The following PPARGC1A variants were observed in gnomAD, a reference collection of about 807,000 sequenced individuals.
PPARGC1A encodes the protein PPARG coactivator 1 alpha, also known as peroxisome proliferator-activated receptor gamma coactivator 1-alpha.
Under a neutral mutation model 88.7 loss-of-function variants are expected in PPARGC1A, and 25 were observed. That is an observed-to-expected ratio of 0.28 (90% CI 0.21 to 0.39). The LOEUF (loss-of-function observed/expected upper bound fraction) is 0.39, where lower values mean the gene tolerates loss of function less well. Ranked by LOEUF, PPARGC1A falls within the 10% of genes least tolerant of loss-of-function variation. The pLI is 1.00. For missense variants in PPARGC1A, 880 were observed against 968.7 expected (o/e 0.91, Z 1.22); for synonymous variants, 363 against 355.6 (o/e 1.02, Z -0.24).
chr4:23,957,099 T>A, the PPARGC1A span, among the ~76,000 whole-genome samples: 1 of 152,074 alleles, frequency 6.6e-6, no homozygotes, highest in African/African-American at 2.4e-5. Context: ...CACATGCTAA[T>A]CACAGCGAAG....
At chr4:24,151,489 T>A in the PPARGC1A span, among the ~76,000 whole-genome samples, 1 of 152,146 alleles carries the variant, frequency 6.6e-6, no homozygotes, top group African/African-American at 2.4e-5. Flanking sequence ...CCATTTACCA[T>A]CACACCGGGG....
At chr4:23,885,656 G>A (rs1180053517) in intron 1 of PPARGC1A, among the ~76,000 whole-genome samples, 2 of 151,958 alleles carry the variant, frequency 1.3e-5, no homozygotes, top group Non-Finnish European at 2.9e-5. Flanking sequence ...ATGTGTGTGT[G>A]TGTGTGTATG....
At chr4:24,105,025 C>T in the PPARGC1A span, among the ~76,000 whole-genome samples, 57 of 152,270 alleles carry the variant, frequency 3.7e-4, no homozygotes, top group African/African-American at 9.9e-4. Context: ...ATGTATGGCA[C>T]GTGGTTCAAG....
chr4:23,978,085 C>A, the PPARGC1A span, among the ~76,000 whole-genome samples: 13 of 152,284 alleles, frequency 8.5e-5, no homozygotes, highest in Middle Eastern at 3.4e-3. Flanking sequence ...CCACCCCCAG[C>A]CTCCAAATGT....
At chr4:23,861,621 A>C (rs1731238480) in intron 2 of PPARGC1A, among the ~76,000 whole-genome samples, 1 of 152,178 alleles carries the variant, frequency 6.6e-6, no homozygotes, top group Admixed American at 6.5e-5. Flanking sequence ...TGTGCAAGGA[A>C]TTGTATATAA....
At chr4:23,864,654 G>A (rs932314759) in intron 2 of PPARGC1A, among the ~76,000 whole-genome samples, 1 of 152,194 alleles carries the variant, frequency 6.6e-6, no homozygotes, top group Non-Finnish European at 1.5e-5. Context: ...TAGAGACAAT[G>A]ACCCCAAGGC....
chr4:24,177,974 G>A, the PPARGC1A span, among the ~76,000 whole-genome samples: 5 of 152,284 alleles, frequency 3.3e-5, no homozygotes, highest in African/African-American at 7.2e-5. Flanking sequence ...TGGATTCTCC[G>A]TATGTCATAA....
chr4:24,407,665 T>C, the PPARGC1A span, among the ~76,000 whole-genome samples: 3 of 152,234 alleles, frequency 2.0e-5, no homozygotes, highest in Non-Finnish European at 2.9e-5. Context: ...TAATCCCTTT[T>C]GGAAATGAGA....
the PPARGC1A span, among the ~76,000 whole-genome samples, chr4:24,447,834 A>G: frequency 6.6e-6 from 1 of 152,224 alleles, no homozygotes; most frequent in Non-Finnish European, 1.5e-5. Flanking sequence ...CCCACAGAAC[A>G]ACAGGAGGCA....
At chr4:23,878,013 G>A (rs922474490) in intron 2 of PPARGC1A, 1 of 152,174 alleles carries the variant, frequency 6.6e-6, no homozygotes, top group Admixed American at 6.5e-5. Flanking sequence ...TATTATCTTT[G>A]AAGTAAATCT....
At chr4:23,993,553 A>G in the PPARGC1A span, among the ~76,000 whole-genome samples, 7 of 152,154 alleles carry the variant, frequency 4.6e-5, no homozygotes, top group South Asian at 4.1e-4. Flanking sequence ...TATTCTGTTC[A>G]TAGTTTCACT....
intron 7 of PPARGC1A, among the ~76,000 whole-genome samples, chr4:23,817,261 C>T (rs2932971): frequency 0.26 from 38,968 of 151,964 alleles, 5,404 homozygotes; most frequent in Admixed American, 0.34. Flanking sequence ...AGTACCCAAG[C>T]TCATTATCGC....
At chr4:24,108,083 G>T in the PPARGC1A span, among the ~76,000 whole-genome samples, 7 of 152,188 alleles carry the variant, frequency 4.6e-5, no homozygotes, top group Non-Finnish European at 8.8e-5. Flanking sequence ...ATTTGAGGAT[G>T]CACAGCCTCT....
At chr4:23,938,712 A>G in the PPARGC1A span, among the ~76,000 whole-genome samples, 5 of 152,204 alleles carry the variant, frequency 3.3e-5, no homozygotes, top group Non-Finnish European at 5.9e-5. Context: ...TCACATAGAG[A>G]AAACATGGAG....
At position 23,844,088 on chromosome 4, in the gene PPARGC1A, T is replaced by G. The variant is rs1727546908; in HGVS notation, c.235-12337A>C. Among the ~76,000 whole-genome samples the G allele has an allele frequency of 2.0e-5, 3 of 151,136 alleles. No homozygotes were observed. In the Admixed American group the frequency reaches 2.0e-4, roughly 10 times the overall value. ...TACTATAATTTGTTTTCTAGGAACT[T>G]GCATTTTAGTTTGGTGGTGAAAGGA... On this transcript the variant is annotated intron_variant, in intron 2 of 12. Transcript: ENST00000264867.
At chr4:24,396,253 TG>T in the PPARGC1A span, among the ~76,000 whole-genome samples, 1 of 152,086 alleles carries the variant, frequency 6.6e-6, no homozygotes, top group Non-Finnish European at 1.5e-5. Context: ...TGCAGGACGA[TG>T]GGGGCGGCTC....
At chr4:23,998,214 GAC>G in the PPARGC1A span, among the ~76,000 whole-genome samples, 2 of 152,154 alleles carry the variant, frequency 1.3e-5, no homozygotes, top group African/African-American at 4.8e-5. Flanking sequence ...ATACACATAA[GAC>G]AATTTCTACC....
chr4:23,962,936 C>A, the PPARGC1A span, among the ~76,000 whole-genome samples: 1 of 152,186 alleles, frequency 6.6e-6, no homozygotes, highest in South Asian at 2.1e-4. Context: ...ACACTCGCCA[C>A]CTTTTTTCTC....
chr4:24,128,340 T>C, the PPARGC1A span, among the ~76,000 whole-genome samples: 9 of 152,216 alleles, frequency 5.9e-5, no homozygotes, highest in African/African-American at 2.2e-4. Flanking sequence ...AATGAATTGA[T>C]GTATATCTAT....
Sources: allele counts gnomAD v4.1 joint callset (sites outside exome capture counted in the v4.1 genomes callset), GRCh38; gene constraint gnomAD v4.1.1; transcripts MANE v1.5; gene names NCBI Gene and HGNC (gene_info 2026-07-23, HGNC 2026-07-21).